PCDH15: variants seen among roughly 807,000 people sequenced by gnomAD.
PCDH15 encodes protocadherin related 15.
Under a neutral mutation model 178.5 loss-of-function variants are expected in PCDH15, and 129 were observed. The observed-to-expected ratio is 0.72, with a 90% CI of 0.63 to 0.84. The LOEUF (loss-of-function observed/expected upper bound fraction) is 0.84, where lower values mean the gene tolerates loss of function less well. Ranked by LOEUF, PCDH15 falls within the 40% of genes least tolerant of loss-of-function variation. The pLI is 0.00. For synonymous variants in PCDH15, 800 were observed against 732.0 expected (o/e 1.09, Z -1.50); for missense variants, 2,230 against 2,099.9 (o/e 1.06, Z -1.21).
chr10:54,313,459 C>T (rs755019807), intron 8 of PCDH15, among the ~76,000 whole-genome samples: 3 of 152,038 alleles, frequency 2.0e-5, no homozygotes, highest in African/African-American at 4.8e-5. Context: ...CCCATACTCT[C>T]TGAAAATACT....
chr10:53,984,945 T>C (rs754252246), intron 21 of PCDH15, among the ~76,000 whole-genome samples: 1 of 152,166 alleles, frequency 6.6e-6, no homozygotes, highest in Non-Finnish European at 1.5e-5. Context: ...ACGGGAGCAG[T>C]CTTTACATGT....
chr10:54,591,623 G>A (rs889663429), intron 2 of PCDH15, among the ~76,000 whole-genome samples: 12 of 152,062 alleles, frequency 7.9e-5, no homozygotes, highest in Admixed American at 7.9e-4. Context: ...GACAGCAGTA[G>A]ATAACTAATA....
intron 2 of PCDH15, among the ~76,000 whole-genome samples, chr10:55,059,987 TAAA>T (rs5785114): frequency 6.6e-6 from 1 of 150,762 alleles, no homozygotes; most frequent in Non-Finnish European, 1.5e-5. Flanking sequence ...TACAAAAAAT[TAAA>T]AAAAAAAATT....
intron 2 of PCDH15, among the ~76,000 whole-genome samples, chr10:54,962,794 C>A (rs1022055163): frequency 1.3e-5 from 2 of 152,100 alleles, no homozygotes; most frequent in African/African-American, 4.8e-5. Flanking sequence ...GCATGGGATC[C>A]GGGATGGTAC....
At chr10:53,860,671 C>T (rs2079045480) in intron 27 of PCDH15, among the ~76,000 whole-genome samples, 1 of 138,678 alleles carries the variant, frequency 7.2e-6, no homozygotes, top group Non-Finnish European at 1.5e-5. Context: ...GCAGAGGTTG[C>T]AGAGAGTCAA....
intron 11 of PCDH15, among the ~76,000 whole-genome samples, chr10:54,189,055 G>A (rs2048730882): frequency 6.6e-6 from 1 of 151,692 alleles, no homozygotes; most frequent in African/African-American, 2.4e-5. Flanking sequence ...TGTTTGTTGT[G>A]GACTGAGAAA....
chr10:54,369,075 C>T (rs1947244785), intron 5 of PCDH15, 45 bp downstream of exon 5: 2 of 1,589,492 alleles, frequency 1.3e-6, no homozygotes, highest in Middle Eastern at 1.8e-4. Context: ...TAGTTAGATA[C>T]ATATATCAAC....
At chr10:53,933,547 C>A (rs1364019827) in intron 25 of PCDH15, among the ~76,000 whole-genome samples, 1 of 145,692 alleles carries the variant, frequency 6.9e-6, no homozygotes, top group Non-Finnish European at 1.5e-5. Flanking sequence ...TGTATATGTG[C>A]CACATTTTCT....
At chr10:54,922,067 C>T (rs781388080) in intron 2 of PCDH15, among the ~76,000 whole-genome samples, 3 of 152,188 alleles carry the variant, frequency 2.0e-5, no homozygotes, top group Non-Finnish European at 4.4e-5. Flanking sequence ...GCCTCCAACA[C>T]ACAGGTATTA....
chr10:55,137,882 A>C (rs895704160), intron 2 of PCDH15, among the ~76,000 whole-genome samples: 1 of 152,166 alleles, frequency 6.6e-6, no homozygotes, highest in African/African-American at 2.4e-5. Context: ...TAGGTGATCC[A>C]AAGCTACTGG....
chr10:54,343,769 C>T (rs1158363257), intron 6 of PCDH15, among the ~76,000 whole-genome samples: 3 of 150,676 alleles, frequency 2.0e-5, no homozygotes, highest in Non-Finnish European at 4.4e-5. Flanking sequence ...ACGTTGTGCA[C>T]ATGTACCCTA....
At chr10:54,232,418 C>T (rs2054167761) in intron 9 of PCDH15, among the ~76,000 whole-genome samples, 1 of 152,124 alleles carries the variant, frequency 6.6e-6, no homozygotes, top group Admixed American at 6.5e-5. Flanking sequence ...CACCCAGTAA[C>T]AGGTAGTTAT....
chr10:55,221,711 T>A (rs895013789), intron 1 of PCDH15, among the ~76,000 whole-genome samples: 4 of 152,094 alleles, frequency 2.6e-5, no homozygotes, highest in Non-Finnish European at 5.9e-5. Context: ...CAGTGACACA[T>A]GTATGCACGT....
At chr10:55,598,459 T>C (rs1026930637) in intron 2 of PCDH15, among the ~76,000 whole-genome samples, 1 of 143,398 alleles carries the variant, frequency 7.0e-6, no homozygotes, top group African/African-American at 2.6e-5. Flanking sequence ...AACCCCGATA[T>C]ACCTCACCAT....
At chr10:54,002,637 A>T (rs1391925484) in intron 20 of PCDH15, among the ~76,000 whole-genome samples, 2 of 152,206 alleles carry the variant, frequency 1.3e-5, no homozygotes, top group Non-Finnish European at 2.9e-5. Flanking sequence ...AACTTTTTTG[A>T]CCAAATGATA....
intron 2 of PCDH15, among the ~76,000 whole-genome samples, chr10:55,430,256 A>G (rs1363924703): frequency 6.6e-6 from 1 of 152,106 alleles, no homozygotes; most frequent in East Asian, 1.9e-4. Flanking sequence ...GTGCCACTGC[A>G]CTCCAGCCTG....
At chr10:54,631,784 C>T (rs1001083513) in intron 2 of PCDH15, among the ~76,000 whole-genome samples, 5 of 151,986 alleles carry the variant, frequency 3.3e-5, no homozygotes, top group African/African-American at 9.7e-5. Flanking sequence ...AAATGGGAAG[C>T]GAGGCACCTT....
At chr10:54,844,969 T>C (rs1953480204) in intron 3 of PCDH15, among the ~76,000 whole-genome samples, 1 of 152,006 alleles carries the variant, frequency 6.6e-6, no homozygotes. Flanking sequence ...TTACCACTAC[T>C]TTCATTTACT....
At chr10:54,788,203 G>C (rs567680304) in intron 1 of PCDH15, among the ~76,000 whole-genome samples, 1 of 151,846 alleles carries the variant, frequency 6.6e-6, no homozygotes, top group Admixed American at 6.6e-5. Context: ...GGATAAAACA[G>C]GGCTGATATA....
Sources: allele counts gnomAD v4.1 joint callset (sites outside exome capture counted in the v4.1 genomes callset), GRCh38; gene constraint gnomAD v4.1.1; transcripts MANE v1.5; gene names NCBI Gene and HGNC (gene_info 2026-07-23, HGNC 2026-07-21).